SLCO3A1: variants seen among roughly 807,000 people sequenced by gnomAD.
The protein encoded by SLCO3A1 is solute carrier organic anion transporter family member 3A1.
Under a neutral mutation model 63.1 loss-of-function variants are expected in SLCO3A1, and 27 were observed. The ratio of observed to expected loss-of-function variants is 0.43; its 90% CI spans 0.32 to 0.59. The LOEUF (loss-of-function observed/expected upper bound fraction) is 0.59. Ranked by LOEUF, SLCO3A1 falls within the 20% of genes least tolerant of loss-of-function variation. The pLI is 0.09. For synonymous variants in SLCO3A1, 473 were observed against 409.9 expected, an observed-to-expected ratio of 1.15 and a Z score of -1.86; for missense variants, 773 against 945.8, an observed-to-expected ratio of 0.82 and a Z score of 2.40.
rs1027824061 is a variant in SLCO3A1, at chr15:92,104,160, C to T, written c.746-119C>T. 1.3e-4 allele frequency: 160 copies of T among 1,190,230 alleles called. 1 individual carries two copies. The highest frequency in any genetic ancestry group is 1.7e-4 in the Non-Finnish European group (146 of 842,914). 73.7% of individuals were successfully genotyped at this position (1,190,230 alleles called of 1,614,324 possible). ...TTCGTAGCCTGGCAGCCAGTGTTCC[C>T]GACCGCAAGTCATTTCTAGAGCCCT... On this transcript the variant is annotated intron_variant, in intron 3 of 9. Transcript: ENST00000318445.
chr15:92,075,251 A>G (rs563530651), intron 2 of SLCO3A1, among the ~76,000 whole-genome samples: 3 of 152,098 alleles, frequency 2.0e-5, no homozygotes, highest in South Asian at 2.1e-4. Flanking sequence ...CTGCCTGCTC[A>G]TTGTGTTTTC....
intron 7 of SLCO3A1, among the ~76,000 whole-genome samples, chr15:92,145,998 GA>G (rs2048217192): frequency 4.6e-5 from 7 of 152,116 alleles, no homozygotes; most frequent in African/African-American, 1.7e-4. Flanking sequence ...GGGAGGACCA[GA>G]GGAGGAGAAC....
At chr15:91,937,453 C>G (rs1348666511) in intron 2 of SLCO3A1, among the ~76,000 whole-genome samples, 1 of 152,084 alleles carries the variant, frequency 6.6e-6, no homozygotes, top group African/African-American at 2.4e-5. Flanking sequence ...GGCATGGTGG[C>G]TCACACCTGT....
At chr15:91,992,593 A>G (rs950977690) in intron 2 of SLCO3A1, among the ~76,000 whole-genome samples, 3 of 152,184 alleles carry the variant, frequency 2.0e-5, no homozygotes, top group African/African-American at 7.2e-5. Context: ...TATTGTGTAC[A>G]TGGATCATTG....
At chr15:92,046,466 G>T (rs899227111) in intron 2 of SLCO3A1, among the ~76,000 whole-genome samples, 7 of 152,078 alleles carry the variant, frequency 4.6e-5, no homozygotes, top group African/African-American at 1.7e-4. Context: ...GGAGGCGGAG[G>T]TTGCATTGAG....
At chr15:91,870,685 T>G (rs1335694989) in intron 1 of SLCO3A1, among the ~76,000 whole-genome samples, 1 of 151,906 alleles carries the variant, frequency 6.6e-6, no homozygotes, top group African/African-American at 2.4e-5. Context: ...ACTCCATAGT[T>G]GTCTGTTTTG....
intron 2 of SLCO3A1, among the ~76,000 whole-genome samples, chr15:91,924,124 T>C (rs1898934932): frequency 6.6e-6 from 1 of 152,228 alleles, no homozygotes; most frequent in South Asian, 2.1e-4. Context: ...GTTGGCATTC[T>C]TGTTTTGAAA....
At chr15:92,107,784 C>T (rs2047683780) in intron 4 of SLCO3A1, among the ~76,000 whole-genome samples, 1 of 152,210 alleles carries the variant, frequency 6.6e-6, no homozygotes, top group Admixed American at 6.5e-5. Context: ...GAGTCTTCTC[C>T]TGCTTCTAGG....
At chr15:91,879,562 GT>G (rs1897499694) in intron 1 of SLCO3A1, among the ~76,000 whole-genome samples, 1 of 152,112 alleles carries the variant, frequency 6.6e-6, no homozygotes, top group African/African-American at 2.4e-5. Flanking sequence ...TGGTTTTTAG[GT>G]TGCAACAAAA....
chr15:92,104,184 C>T, intron 3 of SLCO3A1, 95 bp from the exon 4 acceptor site: 1 of 1,424,978 alleles, frequency 7.0e-7, no homozygotes, highest in Non-Finnish European at 9.6e-7. Flanking sequence ...TTCTAGAGCC[C>T]TTGCCCTCTC....
At chr15:92,018,243 G>A (rs2046463448) in intron 2 of SLCO3A1, among the ~76,000 whole-genome samples, 1 of 152,236 alleles carries the variant, frequency 6.6e-6, no homozygotes, top group African/African-American at 2.4e-5. Flanking sequence ...CTAAGTCTTT[G>A]TTTGGCCTTG....
chr15:92,128,889 A>T (rs768322871), intron 7 of SLCO3A1, among the ~76,000 whole-genome samples: 7 of 152,178 alleles, frequency 4.6e-5, no homozygotes, highest in Non-Finnish European at 8.8e-5. Context: ...AAACACTCTG[A>T]CACCAATTCA....
At chr15:92,171,585 A>G (rs868463486) in intron 10 of SLCO3A1, 1 of 541,314 alleles carries the variant, frequency 1.8e-6, no homozygotes, top group African/African-American at 1.9e-5. Context: ...GGCCTTCAAA[A>G]AAGTCTCTGG....
At chr15:92,065,331 A>G (rs62008601) in intron 2 of SLCO3A1, among the ~76,000 whole-genome samples, 17,504 of 152,052 alleles carry the variant, frequency 0.12, 1,132 homozygotes, top group East Asian at 0.27. Flanking sequence ...GAGGTGATCC[A>G]CCTACCTCGG....
At chr15:91,998,546 G>A (rs2046217951) in intron 2 of SLCO3A1, among the ~76,000 whole-genome samples, 1 of 152,090 alleles carries the variant, frequency 6.6e-6, no homozygotes, top group South Asian at 2.1e-4. Flanking sequence ...AAAATGCTCA[G>A]CATCACTAAT....
At chr15:91,940,719 A>G (rs538966896) in intron 2 of SLCO3A1, among the ~76,000 whole-genome samples, 1 of 152,256 alleles carries the variant, frequency 6.6e-6, no homozygotes, top group East Asian at 1.9e-4. Flanking sequence ...AGTATTGATC[A>G]GGGTTCAGGG....
At chr15:91,880,407 C>CTGTGTGTGTGTGTGTG (rs1235050747) in intron 1 of SLCO3A1, among the ~76,000 whole-genome samples, 16 of 142,954 alleles carry the variant, frequency 1.1e-4, no homozygotes, top group African/African-American at 4.3e-4. Flanking sequence ...CTCTCTCTCT[C>CTGTGTGTGTGTGTGTG]TCTGTGTGTG....
At chr15:92,102,097 C>T (rs1479614452) in intron 3 of SLCO3A1, among the ~76,000 whole-genome samples, 2 of 152,074 alleles carry the variant, frequency 1.3e-5, no homozygotes, top group Non-Finnish European at 2.9e-5. Context: ...TCACATCTGC[C>T]AGCTTTTCAA....
At chr15:92,089,012 TTTATTTATTTA>T (rs1567113306) in intron 2 of SLCO3A1, among the ~76,000 whole-genome samples, 9 of 144,396 alleles carry the variant, frequency 6.2e-5, no homozygotes, top group East Asian at 4.3e-4. Context: ...TTATTTATTA[TTTATTTATTTA>T]TTTATTTATT....
Sources: allele counts gnomAD v4.1 joint callset (sites outside exome capture counted in the v4.1 genomes callset), GRCh38; gene constraint gnomAD v4.1.1; transcripts MANE v1.5; gene names NCBI Gene and HGNC (gene_info 2026-07-23, HGNC 2026-07-21).